The following SPIRE1 variants were observed in gnomAD, a reference collection of about 807,000 sequenced individuals.
SPIRE1 encodes spire type actin nucleation factor 1.
Under a neutral mutation model 94.1 loss-of-function variants are expected in SPIRE1, and 40 were observed. The ratio of observed to expected loss-of-function variants is 0.43; its 90% CI spans 0.33 to 0.55. SPIRE1 has a LOEUF of 0.55. SPIRE1 is among the 20% of genes least tolerant of loss of function. The pLI, the probability that SPIRE1 is intolerant of heterozygous loss-of-function variation, is 0.06. For missense variants in SPIRE1, 838 were observed against 975.2 expected (o/e 0.86, Z 1.87); for synonymous variants, 376 against 371.7 (o/e 1.01, Z -0.13).
rs1390650748 is a variant in SPIRE1, at chr18:12,447,140, A to G, written c.*2498T>C. ...ATAGTGTGACTTCATGACGTATGGG[A>G]CAAAAGGAACCGGTGCTCAGGCCTG... On this transcript the variant is annotated 3_prime_UTR_variant, in exon 17 of 17. Transcript: ENST00000409402. 6.6e-6 allele frequency: 1 copy of G among 152,214 alleles called. No homozygotes were observed. The highest frequency in any genetic ancestry group is 1.5e-5 in the Non-Finnish European group (1 of 68,076). The allele number at this position is 152,214 out of a possible 1,614,324, so 9.4% of individuals were successfully genotyped here. A position where few individuals can be genotyped will look rare whatever the true frequency, so the allele number is the denominator to read the frequency against.
In SPIRE1 at chr18:12,588,770, C is replaced by T. The variant is rs543568822; in HGVS notation, c.373-41866G>A. On this transcript the variant is annotated intron_variant, in intron 2 of 16. Transcript: ENST00000409402. ...AACTCCGGAAAACTACACAGATTTT[C>T]CTAAATCTTTGTTTTTTTAACTTCA... 1.3e-3 allele frequency among the ~76,000 whole-genome samples: 194 copies of T among 152,244 alleles called. 1 individual carries two copies. The Middle Eastern group carries it at 0.014, about 11-fold the overall frequency.
At chr18:12,516,237 A>C (rs1002310711) in intron 4 of SPIRE1, 1 of 152,154 alleles carries the variant, frequency 6.6e-6, no homozygotes, top group Non-Finnish European at 1.5e-5. Flanking sequence ...AGCAGGGCTG[A>C]CCCAGTACCT....
At chr18:12,558,589 G>A (rs143377466) in intron 2 of SPIRE1, among the ~76,000 whole-genome samples, 2,713 of 152,306 alleles carry the variant, frequency 0.018, 90 homozygotes, top group African/African-American at 0.062. Flanking sequence ...GTTTTACAGA[G>A]AGCTGATTAG....
chr18:12,481,394 G>A (rs2032837751), intron 9 of SPIRE1, among the ~76,000 whole-genome samples: 1 of 151,532 alleles, frequency 6.6e-6, no homozygotes, highest in South Asian at 2.1e-4. Flanking sequence ...ATATAAGTGT[G>A]TTCTAGTGCA....
At chr18:12,470,406 C>T (rs1568190258) in intron 10 of SPIRE1, among the ~76,000 whole-genome samples, 1 of 152,118 alleles carries the variant, frequency 6.6e-6, no homozygotes, top group South Asian at 2.1e-4. Context: ...ACGTTGCTCC[C>T]CCAGAAGTGT....
At chr18:12,490,028 G>A (rs1377658794) in intron 8 of SPIRE1, among the ~76,000 whole-genome samples, 1 of 152,108 alleles carries the variant, frequency 6.6e-6, no homozygotes, top group Non-Finnish European at 1.5e-5. Flanking sequence ...AAGCAAAACT[G>A]TATAGTAAGA....
At chr18:12,609,066 G>A (rs1207353887) in intron 2 of SPIRE1, among the ~76,000 whole-genome samples, 1 of 152,034 alleles carries the variant, frequency 6.6e-6, no homozygotes, top group African/African-American at 2.4e-5. Context: ...TGGATACCTC[G>A]CACGCACAGT....
chr18:12,623,837 A>G (rs967297823), intron 2 of SPIRE1, among the ~76,000 whole-genome samples: 1 of 151,966 alleles, frequency 6.6e-6, no homozygotes, highest in Admixed American at 6.5e-5. Flanking sequence ...CATATTGGCC[A>G]GGCTGGTCTC....
intron 10 of SPIRE1, among the ~76,000 whole-genome samples, chr18:12,465,377 G>A (rs892555151): frequency 2.6e-5 from 4 of 152,094 alleles, no homozygotes; most frequent in Non-Finnish European, 5.9e-5. Flanking sequence ...GTCTTCCTAT[G>A]TTGCCTAGCT....
rs569565337 is a variant in SPIRE1 at position 12,557,244 on chromosome 18, C to T, written c.373-10340G>A. Among the ~76,000 whole-genome samples the T allele has an allele frequency of 1.1e-3, 171 of 152,310 alleles. 1 individual carries two copies. Among genetic ancestry groups the T allele is most frequent in the East Asian group, 6.6e-3 (34 of 5,174 alleles). On this transcript the variant is annotated intron_variant, in intron 2 of 16. Coordinates refer to ENST00000409402, the MANE Select transcript of SPIRE1 (RefSeq NM_001128626.2). Reference sequence around the variant, plus strand: ...TGGGCCTCATGGGAGACCACGGCAGCGGGGCAGGGACAGGGCTCAGGCATG... The same window carrying T: ...TGGGCCTCATGGGAGACCACGGCAGTGGGGCAGGGACAGGGCTCAGGCATG...
intron 2 of SPIRE1, among the ~76,000 whole-genome samples, chr18:12,626,935 ATTG>A (rs71174112): frequency 0.16 from 23,782 of 144,490 alleles, 2,282 homozygotes; most frequent in Middle Eastern, 0.23. Context: ...ATTTAAAAAG[ATTG>A]TTAACAGGTC....
At chr18:12,451,612 C>A (rs2031240795) in intron 16 of SPIRE1, among the ~76,000 whole-genome samples, 1 of 152,178 alleles carries the variant, frequency 6.6e-6, no homozygotes, top group African/African-American at 2.4e-5. Flanking sequence ...GCTGGGCTCA[C>A]AGCTTCCTCG....
At chr18:12,450,034 T>G (rs2031152085) in intron 16 of SPIRE1, 138 bp from the exon 17 acceptor site, 1 of 899,222 alleles carries the variant, frequency 1.1e-6, no homozygotes, top group Non-Finnish European at 1.6e-6. Context: ...TATGTCCTTC[T>G]AAAAAAATTT....
At chr18:12,661,341 C>T (rs982688149), upstream of SPIRE1, 11 of 983,228 alleles carry the variant, frequency 1.1e-5, no homozygotes, top group South Asian at 4.7e-5. Context: ...TAAGCCTTAC[C>T]GTCATCCATC....
At chr18:12,531,195 TG>T (rs1257069862) in intron 4 of SPIRE1, among the ~76,000 whole-genome samples, 1 of 152,180 alleles carries the variant, frequency 6.6e-6, no homozygotes, top group Non-Finnish European at 1.5e-5. Flanking sequence ...CCACTGTGCC[TG>T]GCCTCCCTCT....
chr18:12,590,110 G>A (rs546167063), intron 2 of SPIRE1, among the ~76,000 whole-genome samples: 172 of 145,622 alleles, frequency 1.2e-3, no homozygotes, highest in African/African-American at 4.1e-3. Context: ...TTTTTGAGAC[G>A]GAGTTTCACT....
chr18:12,586,116 A>G (rs773725794), intron 2 of SPIRE1, among the ~76,000 whole-genome samples: 1 of 152,082 alleles, frequency 6.6e-6, no homozygotes, highest in Non-Finnish European at 1.5e-5. Flanking sequence ...ACGCCCTGCT[A>G]ATTTTTAAAA....
intron 9 of SPIRE1, among the ~76,000 whole-genome samples, chr18:12,482,393 T>C (rs2032874953): frequency 6.6e-6 from 1 of 152,138 alleles, no homozygotes; most frequent in Non-Finnish European, 1.5e-5. Context: ...TCCGCCTGCC[T>C]CAGCCTCCCA....
chr18:12,479,915 G>T, intron 9 of SPIRE1, 44 bp from the exon 10 acceptor site: 1 of 1,576,416 alleles, frequency 6.3e-7, no homozygotes, highest in Non-Finnish European at 8.6e-7. Flanking sequence ...GCCAAGAAAG[G>T]TTATCTGTGT....
Sources: allele counts gnomAD v4.1 joint callset (sites outside exome capture counted in the v4.1 genomes callset), GRCh38; gene constraint gnomAD v4.1.1; transcripts MANE v1.5; gene names NCBI Gene and HGNC (gene_info 2026-07-23, HGNC 2026-07-21).